The following CLSTN3 variants were observed in gnomAD, a reference collection of about 807,000 sequenced individuals.
CLSTN3 encodes the protein calsyntenin 3.
CLSTN3 carries 36 observed loss-of-function variants against 95.9 expected under a neutral mutation model. The observed-to-expected ratio is 0.38, with a 90% CI of 0.29 to 0.50. The LOEUF (loss-of-function observed/expected upper bound fraction) is 0.50, where lower values mean the gene tolerates loss of function less well. Ranked by LOEUF, CLSTN3 falls within the 20% of genes least tolerant of loss-of-function variation. The pLI is 0.95. For missense variants in CLSTN3, 1,084 were observed against 1,268.8 expected (o/e 0.85, Z 2.21); for synonymous variants, 481 against 504.0 (o/e 0.95, Z 0.61).
intron 8 of CLSTN3, among the ~76,000 whole-genome samples, chr12:7,139,566 A>G (rs1230789959): frequency 6.6e-6 from 1 of 152,188 alleles, no homozygotes; most frequent in Non-Finnish European, 1.5e-5. Flanking sequence ...TTTTTGTCAT[A>G]TGAGAGACAG....
Position 7,141,358 on chromosome 12 carries a change from C to T in CLSTN3, c.1440C>T (p.His480=). ...TCATCCATGACAATGGCCTCATCCACCCACCCCGAAGGGAGCCTGCTCTCA... is the reference window on the plus strand; with the variant it reads ...TCATCCATGACAATGGCCTCATCCATCCACCCCGAAGGGAGCCTGCTCTCA... ...PALIHDNGLI[H]PPRREPALMI... The change falls in exon 9 of 18, where the codon CAC becomes CAT. Residue 480 remains histidine, a synonymous_variant. Transcript: ENST00000266546. This position sits in a 1 kb window ranked among gnomAD's most constrained non-coding sequence, Gnocchi z 4.1. The T allele has an allele frequency of 6.2e-7, 1 of 1,614,202 alleles. No homozygotes were observed. The highest frequency in any genetic ancestry group is 2.2e-5 in the East Asian group (1 of 44,874).
chr12:7,137,393 C>T lies in CLSTN3; in HGVS notation c.1210+283C>T. On this transcript the variant is annotated intron_variant, in intron 7 of 17. Transcript: ENST00000266546. The surrounding 1 kb of genome is among the most constrained non-coding windows in gnomAD (Gnocchi z 4.4). ...CATGTGGTAGGCTGTCCCCACCCCC[C>T]ATCTCCACCTCCATTAAAGCCCCTC... 2.4e-6 allele frequency: 1 copy of T among 423,736 alleles called. No individual in the cohort carries two copies. The highest frequency in any genetic ancestry group is 4.4e-6 in the Non-Finnish European group (1 of 229,732). The allele number at this position is 423,736 out of a possible 1,614,324, so 26.2% of individuals were successfully genotyped here.
Position 7,137,882 on chromosome 12 carries a change from T to C in CLSTN3, c.1211-73T>C. 9.3e-7 allele frequency: 1 copy of C among 1,073,114 alleles called. No homozygotes were observed. The highest frequency in any genetic ancestry group is 1.4e-6 in the Non-Finnish European group (1 of 707,914). 66.5% of individuals were successfully genotyped at this position (1,073,114 alleles called of 1,614,324 possible). A position where few individuals can be genotyped will look rare whatever the true frequency, so the allele number is the denominator to read the frequency against. ...AGGATTAAGAGAATCCAACATCCTC[T>C]CCTTCCTGCTGCTTTGAACTTGTTC... On this transcript the variant is annotated intron_variant, in intron 7 of 17. Coordinates refer to ENST00000266546, the MANE Select transcript of CLSTN3 (RefSeq NM_014718.4). The surrounding 1 kb of genome is among the most constrained non-coding windows in gnomAD (Gnocchi z 4.4).
Position 7,137,141 on chromosome 12 carries a change from G to T in CLSTN3, c.1210+31G>T, listed in dbSNP as rs761333916. On this transcript the variant is annotated intron_variant, in intron 7 of 17. Transcript: ENST00000266546. The surrounding 1 kb of genome is among the most constrained non-coding windows in gnomAD (Gnocchi z 4.4). ...CCTCCCCTCCAGGCACTAGCCAGAG[G>T]GGGAAACTGGCTTCTTGTCCCGCCT... 4 of 1,570,448 alleles carry T rather than the reference G, an allele frequency of 2.5e-6. No individual in the cohort carries two copies. The South Asian group carries it at 4.6e-5, about 18-fold the overall frequency.
At chr12:7,139,634 C>CATT (rs1186626288) in intron 8 of CLSTN3, among the ~76,000 whole-genome samples, 1 of 138,332 alleles carries the variant, frequency 7.2e-6, no homozygotes, top group Admixed American at 7.9e-5. Context: ...TTTACATCAT[C>CATT]ATTATTATTA....
At chr12:7,135,771 C>A in intron 4 of CLSTN3, 33 bp from the exon 5 acceptor site, 1 of 1,573,952 alleles carries the variant, frequency 6.4e-7, no homozygotes, top group Non-Finnish European at 8.6e-7. Context: ...TTCTCCAATG[C>A]TCTAATGCTC....
chr12:7,155,217 G>A (rs753411407), intron 16 of CLSTN3, among the ~76,000 whole-genome samples: 2 of 152,170 alleles, frequency 1.3e-5, no homozygotes, highest in Middle Eastern at 3.2e-3. Flanking sequence ...AAAGCTGAAC[G>A]CACTTCTTAA....
In CLSTN3 at chr12:7,135,310, C is replaced by G; in HGVS notation, c.384-17C>G. On this transcript the variant is annotated splice_polypyrimidine_tract_variant and intron_variant, in intron 3 of 17. Transcript: ENST00000266546. ...GGCTGACGTGTCTTCATCCCTCCTTCTCTCTGGCATATGCAGGGCCACTGT... is the reference window on the plus strand; with the variant it reads ...GGCTGACGTGTCTTCATCCCTCCTTGTCTCTGGCATATGCAGGGCCACTGT... 1 of 1,612,284 alleles carries G rather than the reference C, an allele frequency of 6.2e-7. No individual in the cohort carries two copies. Among genetic ancestry groups the G allele is most frequent in the Non-Finnish European group, 8.5e-7 (1 of 1,178,452 alleles).
In CLSTN3 at chr12:7,149,223, A is replaced by G; in HGVS notation, c.2074+25A>G. 1 of 1,591,378 alleles carries G rather than the reference A, an allele frequency of 6.3e-7. No homozygotes were observed. The highest frequency in any genetic ancestry group is 1.7e-4 in the Middle Eastern group (1 of 6,010). On this transcript the variant is annotated intron_variant, in intron 13 of 17. Coordinates refer to ENST00000266546, the MANE Select transcript of CLSTN3 (RefSeq NM_014718.4). The surrounding 1 kb of genome is among the most constrained non-coding windows in gnomAD (Gnocchi z 4.5). Reference sequence around the variant, plus strand: ...GGTAAGGACGACTTCGGGGAGTAACACCATCCAGAGAACCAGCCAGTGTCT... The same window carrying G: ...GGTAAGGACGACTTCGGGGAGTAACGCCATCCAGAGAACCAGCCAGTGTCT...
chr12:7,157,777 G>A lies in CLSTN3; in HGVS notation c.2730+86G>A, dbSNP rs995937571. ...GACTCCTGAGGAGGGGCAGGCCTGG[G>A]TGGAGGCTGTTCGCAGAGCTGCAGT... is the stretch of plus-strand genomic sequence containing the variant. On this transcript the variant is annotated intron_variant, in intron 17 of 17. Transcript: ENST00000266546. This position sits in a 1 kb window ranked among gnomAD's most constrained non-coding sequence, Gnocchi z 5.9. The A allele has an allele frequency of 1.6e-5, 24 of 1,504,226 alleles. No homozygotes were observed. Among genetic ancestry groups the A allele is most frequent in the Non-Finnish European group, 2.2e-5 (24 of 1,115,048 alleles). 93.2% of individuals were successfully genotyped at this position (1,504,226 alleles called of 1,614,324 possible).
Position 7,130,441 on chromosome 12 carries a change from C to CTTT in CLSTN3, c.-207_-206insTTT, listed in dbSNP as rs944351330. On this transcript the variant is annotated 5_prime_UTR_variant, in exon 1 of 18. Coordinates refer to ENST00000266546, the MANE Select transcript of CLSTN3 (RefSeq NM_014718.4). ...CTGGGCTGGGGGAAACGGGAAGCCGCTGCAAGTCCACCGCCTCAGCTACCC... is the reference window on the plus strand; with the variant it reads ...CTGGGCTGGGGGAAACGGGAAGCCGCTTTTGCAAGTCCACCGCCTCAGCTACCC... The CTTT allele has an allele frequency of 6.5e-5, 95 of 1,461,094 alleles. No individual in the cohort carries two copies. The Middle Eastern group carries it at 3.2e-3, about 50-fold the overall frequency. 90.5% of individuals were successfully genotyped at this position (1,461,094 alleles called of 1,614,324 possible). A position where few individuals can be genotyped will look rare whatever the true frequency, so the allele number is the denominator to read the frequency against.
rs766006539 is a variant in CLSTN3 at position 7,141,367 on chromosome 12, A to G, written c.1449A>G (p.Arg483=). 1 of 1,614,050 alleles carries G rather than the reference A, an allele frequency of 6.2e-7. No individual in the cohort carries two copies. The highest frequency in any genetic ancestry group is 8.5e-7 in the Non-Finnish European group (1 of 1,179,988). The change falls in exon 9 of 18, where the codon CGA becomes CGG. Residue 483 remains arginine (R), a synonymous_variant. Transcript: ENST00000266546. The surrounding 1 kb of genome is among the most constrained non-coding windows in gnomAD (Gnocchi z 4.1). The part of the protein sequence containing the change: ...IHDNGLIHPP[R]REPALMIGAC... ...ACAATGGCCTCATCCACCCACCCCG[A>G]AGGGAGCCTGCTCTCATGATTGGGG...
chr12:7,140,831 G>A (rs1939512332), intron 8 of CLSTN3, among the ~76,000 whole-genome samples: 1 of 152,150 alleles, frequency 6.6e-6, no homozygotes, highest in Admixed American at 6.5e-5. Context: ...TGCTTGAGCC[G>A]AGGGGTTTGA....
chr12:7,133,062 G>T lies in CLSTN3; in HGVS notation c.103G>T (p.Gly35Cys), dbSNP rs1939336718. ...HKPWIEAEYQ[G>C]IVMENDNTVL... Reference sequence around the variant, plus strand: ...GCCATGGATTGAGGCAGAGTACCAGGGCATCGTCATGGAGAATGACAACAC... The same window carrying T: ...GCCATGGATTGAGGCAGAGTACCAGTGCATCGTCATGGAGAATGACAACAC... Residue 35 changes from glycine (G) to cysteine (C), a missense_variant, in exon 2 of 18, where the codon GGC (glycine) becomes TGC (cysteine). Coordinates refer to ENST00000266546, the MANE Select transcript of CLSTN3 (RefSeq NM_014718.4). The surrounding 1 kb of genome is among the most constrained non-coding windows in gnomAD (Gnocchi z 4.7). The T allele has an allele frequency of 6.2e-7, 1 of 1,613,780 alleles. No homozygotes were observed. Among genetic ancestry groups the T allele is most frequent in the Non-Finnish European group, 8.5e-7 (1 of 1,179,970 alleles).
At chr12:7,135,200 C>A in intron 3 of CLSTN3, 127 bp from the exon 4 acceptor site, 1 of 862,690 alleles carries the variant, frequency 1.2e-6, no homozygotes, top group Non-Finnish European at 1.9e-6. Flanking sequence ...TGTGCCGTAT[C>A]AAGGCTGTAT....
Position 7,143,170 on chromosome 12 carries a change from T to A in CLSTN3, c.1706T>A (p.Val569Glu). 1 of 1,613,390 alleles carries A rather than the reference T, an allele frequency of 6.2e-7. No individual in the cohort carries two copies. The highest frequency in any genetic ancestry group is 8.5e-7 in the Non-Finnish European group (1 of 1,179,572). The change falls in exon 12 of 18, where the codon GTG becomes GAG. Residue 569 changes from valine to glutamate, a missense_variant. Physicochemically the swap from Val to Glu is moderately radical, Grantham distance 121 (BLOSUM62 -2). Coordinates refer to ENST00000266546, the MANE Select transcript of CLSTN3 (RefSeq NM_014718.4). The part of the protein sequence containing the change: ...ESLGKGMKVH[V>E]NPSQSLLTLE... ...TCTGTGTCTGGGGCCCAGGTCCACGTGAACCCCTCACAGTCCCTGCTCACC... is the reference window on the plus strand; with the variant it reads ...TCTGTGTCTGGGGCCCAGGTCCACGAGAACCCCTCACAGTCCCTGCTCACC...
rs989348421 is a variant in CLSTN3, at chr12:7,135,221, C to T, written c.384-106C>T. 2.3e-5 allele frequency: 24 copies of T among 1,026,474 alleles called. 1 individual carries two copies. Among genetic ancestry groups the T allele is most frequent in the South Asian group, 7.5e-5 (5 of 66,814 alleles). The allele number at this position is 1,026,474 out of a possible 1,614,324, so 63.6% of individuals were successfully genotyped here. A position where few individuals can be genotyped will look rare whatever the true frequency, so the allele number is the denominator to read the frequency against. ...GTATCAAGGCTGTATCTTGATGTAC[C>T]GTATCGAGGCTGTACCTCGGTGTGC... On this transcript the variant is annotated intron_variant, in intron 3 of 17. Coordinates refer to ENST00000266546, the MANE Select transcript of CLSTN3 (RefSeq NM_014718.4).
At chr12:7,148,673 T>G (rs1231168401) in intron 12 of CLSTN3, among the ~76,000 whole-genome samples, 1 of 152,228 alleles carries the variant, frequency 6.6e-6, no homozygotes, top group East Asian at 1.9e-4. Context: ...ATAGCATCTA[T>G]AGGTACTCCA....
In CLSTN3 at chr12:7,148,989, C is replaced by A; in HGVS notation, c.1865C>A (p.Ser622Tyr). ...TTAVKCFSEE[S>Y]CVSIPEVEGY... Reference sequence around the variant, plus strand: ...TTACATAGGTGCTTCAGCGAAGAGTCCTGCGTCTCCATCCCTGAAGTGGAG... The same window carrying A: ...TTACATAGGTGCTTCAGCGAAGAGTACTGCGTCTCCATCCCTGAAGTGGAG... Residue 622 changes from serine (S) to tyrosine (Y), a missense_variant, in exon 13 of 18, where the codon TCC becomes TAC. Transcript: ENST00000266546. 1 of 1,614,138 alleles carries A rather than the reference C, an allele frequency of 6.2e-7. No homozygotes were observed. The highest frequency in any genetic ancestry group is 8.5e-7 in the Non-Finnish European group (1 of 1,180,010).
Sources: allele counts gnomAD v4.1 joint callset (sites outside exome capture counted in the v4.1 genomes callset), GRCh38; gene constraint gnomAD v4.1.1; non-coding constraint Gnocchi (gnomAD v3.1); transcripts MANE v1.5; gene names NCBI Gene and HGNC (gene_info 2026-07-23, HGNC 2026-07-21).